TMEM135: variants seen among roughly 807,000 people sequenced by gnomAD.
TMEM135 encodes the protein peroxisomal membrane protein 52.
In TMEM135, 30 loss-of-function variants were observed where a neutral mutation model predicts 60.3. The ratio of observed to expected loss-of-function variants is 0.50; its 90% CI spans 0.37 to 0.68. The LOEUF is 0.68. TMEM135 is among the 30% of genes least tolerant of loss of function. TMEM135 has a pLI of 0.00. For missense variants in TMEM135, 468 were observed against 548.8 expected (o/e 0.85, Z 1.47); for synonymous variants, 190 against 186.7 (o/e 1.02, Z -0.14).
chr11:87,233,006 C>G (rs775190554), intron 5 of TMEM135, among the ~76,000 whole-genome samples: 10 of 152,026 alleles, frequency 6.6e-5, no homozygotes, highest in Non-Finnish European at 1.2e-4. Flanking sequence ...CAAAAATTAG[C>G]TGGGTGTGGT....
chr11:87,152,348 A>G (rs900747647), intron 4 of TMEM135, among the ~76,000 whole-genome samples: 1 of 152,160 alleles, frequency 6.6e-6, no homozygotes, highest in Non-Finnish European at 1.5e-5. Flanking sequence ...TCACTGTAGT[A>G]TATTTAATGT....
intron 5 of TMEM135, among the ~76,000 whole-genome samples, chr11:87,187,673 T>C (rs551491083): frequency 3.0e-4 from 46 of 152,360 alleles, no homozygotes; most frequent in Non-Finnish European, 4.7e-4. Flanking sequence ...TTAATGCGTA[T>C]AGTACTTTGA....
chr11:87,192,116 G>A (rs1368702935), intron 5 of TMEM135, among the ~76,000 whole-genome samples: 1 of 150,026 alleles, frequency 6.7e-6, no homozygotes, highest in East Asian at 2.0e-4. Context: ...CGAGTAGCTG[G>A]GACTACAGGC....
intron 2 of TMEM135, among the ~76,000 whole-genome samples, chr11:87,069,783 CA>C (rs1379480181): frequency 6.6e-6 from 1 of 152,148 alleles, no homozygotes; most frequent in African/African-American, 2.4e-5. Flanking sequence ...GGAGTCTTCA[CA>C]GGTGGAAGGT....
chr11:87,215,447 G>T (rs946817245), intron 5 of TMEM135, among the ~76,000 whole-genome samples: 2 of 152,166 alleles, frequency 1.3e-5, no homozygotes, highest in East Asian at 3.9e-4. Flanking sequence ...TTGGGACCTT[G>T]ACTGGGGCTG....
intron 4 of TMEM135, among the ~76,000 whole-genome samples, chr11:87,099,544 C>T (rs1265922399): frequency 6.6e-6 from 1 of 152,016 alleles, no homozygotes; most frequent in South Asian, 2.1e-4. Context: ...CTCCTTAACC[C>T]CTGTTCATGG....
intron 6 of TMEM135, among the ~76,000 whole-genome samples, chr11:87,255,590 A>G (rs753200786): frequency 1.3e-5 from 2 of 152,062 alleles, no homozygotes; most frequent in African/African-American, 2.4e-5. Context: ...GTGCGCTACG[A>G]TTGTGCCTGT....
rs557894368 is a variant in TMEM135 at position 87,037,950 on chromosome 11, T to G, written c.-96T>G. 4.3e-5 allele frequency: 68 copies of G among 1,578,232 alleles called. No individual in the cohort carries two copies. In the African/African-American group the frequency reaches 8.7e-4, roughly 20 times the overall value. On this transcript the variant is annotated 5_prime_UTR_variant, in exon 1 of 15. Coordinates refer to ENST00000305494, the MANE Select transcript of TMEM135 (RefSeq NM_022918.4). ...TTCCCCTCCATTCCGCACCTCCGAG[T>G]GCTGGCCGGGCGAGAGGCTGGCGGC...
At chr11:87,081,125 G>A (rs1009544622) in intron 3 of TMEM135, among the ~76,000 whole-genome samples, 1 of 151,712 alleles carries the variant, frequency 6.6e-6, no homozygotes, top group Non-Finnish European at 1.5e-5. Flanking sequence ...ATACAGTGGG[G>A]TCTTATTTTT....
At position 87,328,715 on chromosome 11, in the gene TMEM135, A is replaced by T; in HGVS notation, c.*7382A>T. Reference sequence around the variant, plus strand: ...ATGGCTGAGTAGTATTCCATGGTGCATATATACCACATTTTCTTTATCCAC... The same window carrying T: ...ATGGCTGAGTAGTATTCCATGGTGCTTATATACCACATTTTCTTTATCCAC... On this transcript the variant is annotated 3_prime_UTR_variant, in exon 15 of 15. Transcript: ENST00000305494. 2.2e-6 allele frequency: 1 copy of T among 454,104 alleles called. No individual in the cohort carries two copies. Among genetic ancestry groups the T allele is most frequent in the Non-Finnish European group, 4.4e-6 (1 of 226,796 alleles). The allele number at this position is 454,104 out of a possible 1,614,324, so 28.1% of individuals were successfully genotyped here.
At chr11:87,123,392 G>T (rs532771026) in intron 4 of TMEM135, among the ~76,000 whole-genome samples, 7 of 152,192 alleles carry the variant, frequency 4.6e-5, no homozygotes, top group African/African-American at 1.7e-4. Flanking sequence ...GTCATCACAT[G>T]GCCTTCTTCT....
chr11:87,056,528 G>T (rs1949896086), intron 1 of TMEM135, among the ~76,000 whole-genome samples: 1 of 152,184 alleles, frequency 6.6e-6, no homozygotes, highest in Admixed American at 6.5e-5. Context: ...TCAAAGATTA[G>T]TAAAGGATTT....
intron 6 of TMEM135, among the ~76,000 whole-genome samples, chr11:87,247,657 G>A (rs992846744): frequency 2.6e-5 from 4 of 152,222 alleles, no homozygotes; most frequent in Admixed American, 2.6e-4. Flanking sequence ...GACCCTCCGA[G>A]CCAGGTGTGG....
intron 4 of TMEM135, among the ~76,000 whole-genome samples, chr11:87,155,955 A>G (rs577945142): frequency 6.6e-6 from 1 of 152,196 alleles, no homozygotes; most frequent in African/African-American, 2.4e-5. Flanking sequence ...TGGGGATTCA[A>G]ATGGACAGTA....
intron 1 of TMEM135, among the ~76,000 whole-genome samples, chr11:87,047,370 A>C (rs986855343): frequency 6.6e-6 from 1 of 151,874 alleles, no homozygotes; most frequent in African/African-American, 2.4e-5. Flanking sequence ...AGCGACGCAG[A>C]AGACGGGTGA....
chr11:87,282,333 C>T (rs538511653), intron 6 of TMEM135, among the ~76,000 whole-genome samples: 3 of 152,140 alleles, frequency 2.0e-5, no homozygotes, highest in African/African-American at 4.8e-5. Context: ...GATGCAATCT[C>T]GGCTCACTGC....
chr11:87,078,533 C>T (rs1194531608), intron 3 of TMEM135, among the ~76,000 whole-genome samples: 2 of 152,088 alleles, frequency 1.3e-5, no homozygotes, highest in Admixed American at 6.5e-5. Flanking sequence ...TGTTTTTTCA[C>T]TTCATTGATC....
chr11:87,291,303 A>T (rs560413625), intron 6 of TMEM135, among the ~76,000 whole-genome samples: 26 of 152,242 alleles, frequency 1.7e-4, no homozygotes, highest in African/African-American at 6.3e-4. Context: ...TGGCCGTATT[A>T]TCCTTCCGTT....
intron 5 of TMEM135, among the ~76,000 whole-genome samples, chr11:87,229,926 A>G (rs1425634971): frequency 6.6e-6 from 1 of 152,074 alleles, no homozygotes; most frequent in Non-Finnish European, 1.5e-5. Flanking sequence ...TCAGTTTAAC[A>G]GCTTTTTTGA....
Sources: gnomAD v4.1 joint callset for allele counts (sites outside exome capture counted in the v4.1 genomes callset) on GRCh38, gnomAD v4.1.1 for gene constraint, MANE v1.5 for transcripts, NCBI Gene and HGNC (gene_info 2026-07-23, HGNC 2026-07-21) for gene names.